Variants in DDX4 observed in about 807,000 individuals in gnomAD.
DDX4 encodes the protein probable ATP-dependent RNA helicase DDX4.
Under a neutral mutation model 100.0 loss-of-function variants are expected in DDX4, and 25 were observed. The ratio of observed to expected loss-of-function variants is 0.25; its 90% CI spans 0.18 to 0.35. The LOEUF (loss-of-function observed/expected upper bound fraction) is 0.35. DDX4 is among the 10% of genes least tolerant of loss of function. DDX4 has a pLI of 1.00. For synonymous variants in DDX4, 259 were observed against 275.7 expected, an observed-to-expected ratio of 0.94 and a Z score of 0.60; for missense variants, 635 against 882.4, an observed-to-expected ratio of 0.72 and a Z score of 3.55.
At chr5:55,768,334 C>T (rs145609117) in intron 7 of DDX4, among the ~76,000 whole-genome samples, 37 of 152,216 alleles carry the variant, frequency 2.4e-4, no homozygotes, top group East Asian at 1.9e-3. Context: ...TCTTTGTGTC[C>T]ATGTGTTCTC....
At chr5:55,757,130 A>T (rs1044327188) in intron 3 of DDX4, among the ~76,000 whole-genome samples, 1 of 152,088 alleles carries the variant, frequency 6.6e-6, no homozygotes, top group East Asian at 1.9e-4. Context: ...TTTTATTTAC[A>T]TAGGTTTTTG....
In DDX4 at chr5:55,816,800, T is replaced by G. The variant is rs1288358432; in HGVS notation, c.*260T>G. On this transcript the variant is annotated 3_prime_UTR_variant, in exon 22 of 22. Coordinates refer to ENST00000505374, the MANE Select transcript of DDX4 (RefSeq NM_024415.3). ...GTCTTTCTTATTTCTGGTATATTCTTTAGGGGGCTTAGACATGTTTAATGT... is the reference window on the plus strand; with the variant it reads ...GTCTTTCTTATTTCTGGTATATTCTGTAGGGGGCTTAGACATGTTTAATGT... 1.1e-5 allele frequency: 5 copies of G among 446,012 alleles called. No homozygotes were observed. The highest frequency in any genetic ancestry group is 2.0e-5 in the African/African-American group (1 of 49,668). 27.6% of individuals were successfully genotyped at this position (446,012 alleles called of 1,614,324 possible).
At chr5:55,770,041 T>C (rs186278481) in intron 7 of DDX4, among the ~76,000 whole-genome samples, 56 of 152,204 alleles carry the variant, frequency 3.7e-4, no homozygotes, top group East Asian at 3.5e-3. Context: ...CTAAGTTTTG[T>C]ATTTTTAGTA....
chr5:55,751,844 G>A (rs946534105), intron 3 of DDX4, among the ~76,000 whole-genome samples: 3 of 152,110 alleles, frequency 2.0e-5, no homozygotes, highest in Non-Finnish European at 2.9e-5. Flanking sequence ...TGTAGTTTAA[G>A]AAATTCTTCA....
intron 6 of DDX4, among the ~76,000 whole-genome samples, chr5:55,764,749 G>A (rs1740782036): frequency 6.6e-6 from 1 of 152,144 alleles, no homozygotes; most frequent in African/African-American, 2.4e-5. Context: ...AGTTGAAGTA[G>A]AACAAGTTGC....
intron 7 of DDX4, among the ~76,000 whole-genome samples, chr5:55,771,848 C>T (rs996276004): frequency 6.6e-6 from 1 of 152,140 alleles, no homozygotes; most frequent in Admixed American, 6.6e-5. Flanking sequence ...TTTGTCAAGT[C>T]GTTTGCCCAT....
chr5:55,814,788 C>A, intron 19 of DDX4, 113 bp from the exon 20 acceptor site: 1 of 1,238,914 alleles, frequency 8.1e-7, no homozygotes, highest in East Asian at 2.4e-5. Context: ...CTGCGCCCAG[C>A]CAAATGCTGC....
chr5:55,767,819 C>A (rs1023004405), intron 6 of DDX4, 62 bp from the exon 7 acceptor site: 14 of 1,264,132 alleles, frequency 1.1e-5, no homozygotes, highest in African/African-American at 1.5e-5. Flanking sequence ...CAGTGCTATT[C>A]TTTATATATT....
intron 1 of DDX4, among the ~76,000 whole-genome samples, chr5:55,738,712 C>T (rs778915067): frequency 8.6e-5 from 13 of 151,988 alleles, no homozygotes; most frequent in Non-Finnish European, 1.9e-4. Flanking sequence ...GGGGACATGG[C>T]GATTGCTAGA....
At chr5:55,778,124 A>G (rs1251235611) in intron 7 of DDX4, among the ~76,000 whole-genome samples, 2 of 152,204 alleles carry the variant, frequency 1.3e-5, no homozygotes, top group African/African-American at 4.8e-5. Flanking sequence ...AATATATCAT[A>G]GGTCATGTTC....
At chr5:55,803,317 A>C (rs542503032) in intron 18 of DDX4, among the ~76,000 whole-genome samples, 21 of 148,916 alleles carry the variant, frequency 1.4e-4, no homozygotes, top group African/African-American at 5.2e-4. Flanking sequence ...CATGGTGTAT[A>C]TGTGCCACAT....
At chr5:55,776,408 C>T (rs1393250560) in intron 7 of DDX4, among the ~76,000 whole-genome samples, 2 of 152,140 alleles carry the variant, frequency 1.3e-5, no homozygotes, top group Admixed American at 6.5e-5. Flanking sequence ...ATAGATGAGA[C>T]TTTTCCAGAG....
chr5:55,808,791 C>T (rs1370969723), intron 18 of DDX4, among the ~76,000 whole-genome samples: 5 of 152,166 alleles, frequency 3.3e-5, no homozygotes, highest in African/African-American at 9.7e-5. Context: ...GCAGTCTGTC[C>T]CTTCTCAGAT....
chr5:55,816,594 G>T lies in DDX4; in HGVS notation c.*54G>T. 2 of 1,590,894 alleles carry T rather than the reference G, an allele frequency of 1.3e-6. No individual in the cohort carries two copies. The highest frequency in any genetic ancestry group is 2.3e-5 in the South Asian group (2 of 87,650). On this transcript the variant is annotated 3_prime_UTR_variant, in exon 22 of 22. Transcript: ENST00000505374. Reference sequence around the variant, plus strand: ...TTGATGCAGAGAAGAAAATAGTTTTGATTTTTGAGTTTTTAACAGAAGTAT... The same window carrying T: ...TTGATGCAGAGAAGAAAATAGTTTTTATTTTTGAGTTTTTAACAGAAGTAT...
intron 21 of DDX4, 135 bp downstream of exon 21, chr5:55,815,558 T>A (rs1744349524): frequency 8.0e-7 from 1 of 1,246,278 alleles, no homozygotes; most frequent in East Asian, 2.8e-5. Flanking sequence ...TACTTTATTA[T>A]TTCATTAACA....
chr5:55,798,511 G>A lies in DDX4; in HGVS notation c.1555G>A (p.Val519Ile), dbSNP rs146056716. 319 of 1,611,494 alleles carry A rather than the reference G, an allele frequency of 2.0e-4. No individual in the cohort carries two copies. The highest frequency in any genetic ancestry group is 2.5e-4 in the Non-Finnish European group (300 of 1,178,644). ...AGCATGTAGAGATGTTCAGCAGACCGTTCTCCAAGTTGGCCAGTTCTCAAA... is the reference window on the plus strand; with the variant it reads ...AGCATGTAGAGATGTTCAGCAGACCATTCTCCAAGTTGGCCAGTTCTCAAA... ...GGACRDVQQT[V>I]LQVGQFSKRE... The change falls in exon 18 of 22, where the codon GTT becomes ATT. Residue 519 changes from valine (V) to isoleucine (I), a missense_variant. Val to Ile is a conservative substitution (Grantham distance 29). Around this residue, in one of 4 missense-constraint regions of DDX4, gnomAD observed 115 missense variants for 224.7 expected, o/e 0.51. Transcript: ENST00000505374.
intron 18 of DDX4, among the ~76,000 whole-genome samples, chr5:55,810,670 TAAAA>T (rs892430928): frequency 6.6e-6 from 1 of 151,900 alleles, no homozygotes; most frequent in Admixed American, 6.6e-5. Context: ...GTAATACATC[TAAAA>T]AAAATAATTT....
intron 7 of DDX4, among the ~76,000 whole-genome samples, chr5:55,768,875 AT>A (rs1358845013): frequency 4.6e-5 from 7 of 152,068 alleles, no homozygotes; most frequent in Non-Finnish European, 1.0e-4. Flanking sequence ...TTCTCTAACG[AT>A]TAGTGATGCT....
At chr5:55,813,007 T>C (rs533296151) in intron 18 of DDX4, among the ~76,000 whole-genome samples, 5 of 152,274 alleles carry the variant, frequency 3.3e-5, no homozygotes, top group Admixed American at 6.5e-5. Context: ...CTATAAATTA[T>C]CTTTCTTCTC....
Sources: gnomAD v4.1 joint callset for allele counts (sites outside exome capture counted in the v4.1 genomes callset) on GRCh38, gnomAD v4.1.1 for gene constraint, gnomAD v4.1.1 regional missense constraint, MANE v1.5 for transcripts, NCBI Gene and HGNC (gene_info 2026-07-23, HGNC 2026-07-21) for gene names.